The following LRRC55 variants were observed in gnomAD, a reference collection of about 807,000 sequenced individuals.
LRRC55 encodes leucine rich repeat containing 55.
LRRC55 carries 11 observed loss-of-function variants against 20.5 expected under a neutral mutation model. That is an observed-to-expected ratio of 0.54 (90% CI 0.34 to 0.89). The LOEUF (loss-of-function observed/expected upper bound fraction) is 0.89, where lower values mean the gene tolerates loss of function less well. LRRC55 is among the 40% of genes least tolerant of loss of function. The probability of loss-of-function intolerance (pLI) is 0.02; values close to 1 mark genes in which losing one functional copy is unlikely to be tolerated. For missense variants in LRRC55, 358 were observed against 390.9 expected (o/e 0.92, Z 0.71); for synonymous variants, 188 against 166.6 (o/e 1.13, Z -0.99).
chr11:57,186,876 C>A (rs942731820), intron 1 of LRRC55, among the ~76,000 whole-genome samples: 2 of 152,188 alleles, frequency 1.3e-5, no homozygotes, highest in Admixed American at 6.5e-5. Context: ...GTATTAAAAT[C>A]GTTTGTCAGC....
At position 57,189,535 on chromosome 11, in the gene LRRC55, C is replaced by G. The variant is rs912634967; in HGVS notation, c.*2055C>G. On this transcript the variant is annotated 3_prime_UTR_variant, in exon 2 of 2. Transcript: ENST00000497933. Reference sequence around the variant, plus strand: ...CAGCAATGGTGGCCATGGTGGCAGTCATGTGAAAAGTAAGATCTTTGGGAA... The same window carrying G: ...CAGCAATGGTGGCCATGGTGGCAGTGATGTGAAAAGTAAGATCTTTGGGAA... 5 of 152,228 alleles carry G rather than the reference C, an allele frequency of 3.3e-5. No homozygotes were observed. Among genetic ancestry groups the G allele is most frequent in the African/African-American group, 1.2e-4 (5 of 41,432 alleles). The allele number at this position is 152,228 out of a possible 1,614,324, so 9.4% of individuals were successfully genotyped here.
At chr11:57,183,501 G>A (rs1590776190) in intron 1 of LRRC55, among the ~76,000 whole-genome samples, 1 of 152,184 alleles carries the variant, frequency 6.6e-6, no homozygotes, top group Non-Finnish European at 1.5e-5. Context: ...TTACACAGCT[G>A]CTAAGTGTTG....
chr11:57,182,474 G>A lies in LRRC55; in HGVS notation c.452G>A (p.Arg151Gln), dbSNP rs200093413. ...GACCTGAGCCACAACCCCTGGCTGC[G>A]GAGGGTGCATCCCCAGGCCTTTCAG... ...HIDLSHNPWLRRVHPQAFQGL... is the reference protein window; with the variant it reads ...HIDLSHNPWLQRVHPQAFQGL... The change falls in exon 1 of 2, where the codon CGG becomes CAG. Residue 151 changes from arginine (R) to glutamine (Q), a missense_variant. By Grantham distance (43) the Arg-to-Gln change is conservative. Transcript: ENST00000497933. 3.0e-5 allele frequency: 49 copies of A among 1,610,356 alleles called. No individual in the cohort carries two copies. The highest frequency in any genetic ancestry group is 8.3e-5 in the Admixed American group (5 of 59,994).
At chr11:57,184,211 CT>C (rs1854399922) in intron 1 of LRRC55, among the ~76,000 whole-genome samples, 1 of 152,108 alleles carries the variant, frequency 6.6e-6, no homozygotes, top group South Asian at 2.1e-4. Context: ...AATCTCTCAA[CT>C]TGCTCAAACT....
Position 57,190,467 on chromosome 11 carries a change from A to C in LRRC55, c.*2987A>C, listed in dbSNP as rs1027794063. ...TCATCTTGTCCAAGCTATCAGAAGC[A>C]ACCTTCTAGAGATAATCTAACAATC... On this transcript the variant is annotated 3_prime_UTR_variant, in exon 2 of 2. Coordinates refer to ENST00000497933, the MANE Select transcript of LRRC55 (RefSeq NM_001005210.4). 3 of 152,268 alleles carry C rather than the reference A, an allele frequency of 2.0e-5. No individual in the cohort carries two copies. Among genetic ancestry groups the C allele is most frequent in the Non-Finnish European group, 4.4e-5 (3 of 68,060 alleles). 9.4% of individuals were successfully genotyped at this position (152,268 alleles called of 1,614,324 possible).
intron 1 of LRRC55, among the ~76,000 whole-genome samples, chr11:57,185,857 C>T (rs144915429): frequency 4.7e-4 from 71 of 152,120 alleles, no homozygotes; most frequent in African/African-American, 1.6e-3. Flanking sequence ...ATGAGACCAT[C>T]AATGCTGAAA....
chr11:57,187,192 CA>C (rs1320816593), intron 1 of LRRC55, 52 bp from the exon 2 acceptor site: 53 of 1,531,664 alleles, frequency 3.5e-5, no homozygotes, highest in Non-Finnish European at 4.7e-5. Context: ...GTGGACTTTC[CA>C]ATCCCCTCTC....
chr11:57,185,618 T>C (rs1010902579), intron 1 of LRRC55, among the ~76,000 whole-genome samples: 4 of 151,918 alleles, frequency 2.6e-5, no homozygotes, highest in Non-Finnish European at 4.4e-5. Flanking sequence ...CCCCTTATTA[T>C]ACAGGCAGAG....
chr11:57,187,218 T>C, intron 1 of LRRC55, 27 bp from the exon 2 acceptor site: 1 of 1,602,718 alleles, frequency 6.2e-7, no homozygotes, highest in Non-Finnish European at 8.5e-7. Flanking sequence ...CCTGGGTACC[T>C]CACCCTCCCT....
rs1854452178 is a variant in LRRC55, at chr11:57,187,679, G to A, written c.*199G>A. Reference sequence around the variant, plus strand: ...AGGAATTGGGAACATCAGATGAACTGACTCAGTCCCTGCCCTCAAGGCACT... The same window carrying A: ...AGGAATTGGGAACATCAGATGAACTAACTCAGTCCCTGCCCTCAAGGCACT... On this transcript the variant is annotated 3_prime_UTR_variant, in exon 2 of 2. Coordinates refer to ENST00000497933, the MANE Select transcript of LRRC55 (RefSeq NM_001005210.4). The A allele has an allele frequency of 3.2e-6, 2 of 634,322 alleles. No individual in the cohort carries two copies. Among genetic ancestry groups the A allele is most frequent in the Admixed American group, 2.8e-5 (1 of 35,194 alleles). The allele number at this position is 634,322 out of a possible 1,614,324, so 39.3% of individuals were successfully genotyped here.
Position 57,189,747 on chromosome 11 carries a change from C to G in LRRC55, c.*2267C>G, listed in dbSNP as rs1171258555. ...ATTAAAACAGGGGCTTTCCACACCT[C>G]CCTTGCCCCAAGCTCCAGCGGTATT... On this transcript the variant is annotated 3_prime_UTR_variant, in exon 2 of 2. Transcript: ENST00000497933. 6.6e-6 allele frequency: 1 copy of G among 152,218 alleles called. No individual in the cohort carries two copies. Among genetic ancestry groups the G allele is most frequent in the Non-Finnish European group, 1.5e-5 (1 of 68,070 alleles). 9.4% of individuals were successfully genotyped at this position (152,218 alleles called of 1,614,324 possible).
chr11:57,182,114 A>C lies in LRRC55; in HGVS notation c.92A>C (p.His31Pro). The C allele has an allele frequency of 6.2e-7, 1 of 1,613,978 alleles. No individual in the cohort carries two copies. Among genetic ancestry groups the C allele is most frequent in the Non-Finnish European group, 8.5e-7 (1 of 1,179,984 alleles). Residue 31 changes from histidine (H) to proline (P), a missense_variant, in exon 1 of 2, where the codon CAC becomes CCC. Around this residue, in one of 3 missense-constraint regions of LRRC55, gnomAD observed 175 missense variants for 164.5 expected, o/e 1.06. Transcript: ENST00000497933. Reference protein sequence around the residue: ...ISLLLAAGLMHSDAGTSCPVL... With the variant: ...ISLLLAAGLMPSDAGTSCPVL... ...CTCCTCTTGGCAGCCGGGTTGATGC[A>C]CTCGGATGCCGGCACCAGCTGCCCC...
In LRRC55 at chr11:57,187,291, C is replaced by T. The variant is rs909320514; in HGVS notation, c.708C>T (p.Ala236=). Residue 236 remains alanine, a synonymous_variant, in exon 2 of 2, where the codon GCC becomes GCT. Transcript: ENST00000497933. ...ECRGPPEVEG[A]PLFSLTEESF... The stretch of plus-strand genomic sequence containing the variant: ...GGGGCCCTCCTGAAGTCGAGGGCGC[C>T]CCGCTCTTCTCACTCACTGAGGAGA... 2 of 1,614,096 alleles carry T rather than the reference C, an allele frequency of 1.2e-6. No individual in the cohort carries two copies. The highest frequency in any genetic ancestry group is 2.7e-5 in the African/African-American group (2 of 75,022).
At position 57,189,755 on chromosome 11, in the gene LRRC55, C is replaced by T. The variant is rs1854482954; in HGVS notation, c.*2275C>T. 6.6e-6 allele frequency: 1 copy of T among 152,180 alleles called. No homozygotes were observed. Among genetic ancestry groups the T allele is most frequent in the Admixed American group, 6.5e-5 (1 of 15,282 alleles). The allele number at this position is 152,180 out of a possible 1,614,324, so 9.4% of individuals were successfully genotyped here. On this transcript the variant is annotated 3_prime_UTR_variant, in exon 2 of 2. Transcript: ENST00000497933. The stretch of plus-strand genomic sequence containing the variant: ...AGGGGCTTTCCACACCTCCCTTGCC[C>T]CAAGCTCCAGCGGTATTCTATCAGC...
chr11:57,191,253 C>G lies in LRRC55; in HGVS notation c.*3773C>G, dbSNP rs1854506941. On this transcript the variant is annotated 3_prime_UTR_variant, in exon 2 of 2. Coordinates refer to ENST00000497933, the MANE Select transcript of LRRC55 (RefSeq NM_001005210.4). The stretch of plus-strand genomic sequence containing the variant: ...AGGAGGGACATGTATGAAATTTGAA[C>G]AGATCAAGACAGGTGTTTGTCTTCA... 1 of 152,136 alleles carries G rather than the reference C, an allele frequency of 6.6e-6. No homozygotes were observed. The highest frequency in any genetic ancestry group is 2.1e-4 in the South Asian group (1 of 4,830). The allele number at this position is 152,136 out of a possible 1,614,324, so 9.4% of individuals were successfully genotyped here. A position where few individuals can be genotyped will look rare whatever the true frequency, so the allele number is the denominator to read the frequency against.
At chr11:57,186,373 G>A (rs187759808) in intron 1 of LRRC55, among the ~76,000 whole-genome samples, 1 of 152,156 alleles carries the variant, frequency 6.6e-6, no homozygotes, top group Non-Finnish European at 1.5e-5. Flanking sequence ...CCATGGGAGG[G>A]GCTTATATTG....
chr11:57,184,126 A>G (rs1009220575), intron 1 of LRRC55, among the ~76,000 whole-genome samples: 5 of 152,170 alleles, frequency 3.3e-5, no homozygotes, highest in Non-Finnish European at 5.9e-5. Context: ...GTAGGAGGAA[A>G]TTCTCTTGCA....
intron 1 of LRRC55, among the ~76,000 whole-genome samples, chr11:57,186,297 T>C (rs1565180420): frequency 6.6e-6 from 1 of 152,176 alleles, no homozygotes; most frequent in Non-Finnish European, 1.5e-5. Flanking sequence ...CAGACTCTTA[T>C]ATTCATGTTG....
chr11:57,184,734 G>A (rs567289816), intron 1 of LRRC55, among the ~76,000 whole-genome samples: 2 of 152,342 alleles, frequency 1.3e-5, no homozygotes, highest in South Asian at 4.1e-4. Flanking sequence ...GATACAGCAT[G>A]ACTTTAGGAC....
Sources: allele counts gnomAD v4.1 joint callset (sites outside exome capture counted in the v4.1 genomes callset), GRCh38; gene constraint gnomAD v4.1.1; regional missense constraint gnomAD v4.1.1; transcripts MANE v1.5; gene names NCBI Gene and HGNC (gene_info 2026-07-23, HGNC 2026-07-21).